Variants in RBFOX1 observed in about 807,000 individuals in gnomAD.
The protein encoded by RBFOX1 is RNA binding protein fox-1 homolog 1.
RBFOX1 carries 8 observed loss-of-function variants against 57.7 expected under a neutral mutation model. The observed-to-expected ratio is 0.14, with a 90% CI of 0.08 to 0.25. The LOEUF (loss-of-function observed/expected upper bound fraction) is 0.25. RBFOX1 is among the 10% of genes least tolerant of loss of function. RBFOX1 has a pLI of 1.00. For missense variants in RBFOX1, 611 were observed against 548.5 expected (o/e 1.11, Z -1.14); for synonymous variants, 326 against 222.4 (o/e 1.47, Z -4.15).
chr16:6,949,856 C>G (rs906837887), intron 3 of RBFOX1, among the ~76,000 whole-genome samples: 9 of 151,962 alleles, frequency 5.9e-5, no homozygotes, highest in Non-Finnish European at 1.2e-4. Context: ...GAATGCAATT[C>G]CAAGCCCCTC....
chr16:5,744,151 G>T (rs1325575168), intron 3 of RBFOX1, among the ~76,000 whole-genome samples: 1 of 152,008 alleles, frequency 6.6e-6, no homozygotes, highest in East Asian at 1.9e-4. Context: ...GTCTTTGCTT[G>T]TGCTATGTTC....
chr16:6,758,301 C>G (rs1192299987), intron 3 of RBFOX1, among the ~76,000 whole-genome samples: 3 of 151,932 alleles, frequency 2.0e-5, no homozygotes, highest in East Asian at 3.9e-4. Flanking sequence ...TAAAATGTCC[C>G]AATAAAAATT....
intron 3 of RBFOX1, among the ~76,000 whole-genome samples, chr16:6,896,144 G>C (rs532724051): frequency 2.6e-4 from 39 of 152,124 alleles, no homozygotes; most frequent in African/African-American, 9.4e-4. Flanking sequence ...TTGGTGGTGG[G>C]TGTCTGTAAT....
At chr16:7,291,659 A>G (rs1025640427) in intron 4 of RBFOX1, among the ~76,000 whole-genome samples, 5 of 151,980 alleles carry the variant, frequency 3.3e-5, no homozygotes, top group African/African-American at 1.2e-4. Context: ...GAATGTTAAA[A>G]TAGCAGCAAG....
chr16:7,142,623 CT>C (rs2074069857), intron 4 of RBFOX1, among the ~76,000 whole-genome samples: 1 of 152,162 alleles, frequency 6.6e-6, no homozygotes, highest in African/African-American at 2.4e-5. Flanking sequence ...ATCTTCTGGA[CT>C]GTCAATCAGA....
chr16:7,070,260 C>T (rs1329009678), intron 4 of RBFOX1, among the ~76,000 whole-genome samples: 1 of 152,168 alleles, frequency 6.6e-6, no homozygotes, highest in African/African-American at 2.4e-5. Context: ...CTGCCACATT[C>T]CACTCATTTA....
chr16:6,302,113 A>C (rs1162045841), intron 1 of RBFOX1, among the ~76,000 whole-genome samples: 1 of 152,116 alleles, frequency 6.6e-6, no homozygotes, highest in Admixed American at 6.6e-5. Context: ...CTTCATCCAC[A>C]ATGTTTATTT....
chr16:7,421,843 C>G lies in RBFOX1; in HGVS notation c.28-96304C>G, dbSNP rs370350035. Among the ~76,000 whole-genome samples, 7 of 152,326 alleles carry G rather than the reference C, an allele frequency of 4.6e-5. No individual in the cohort carries two copies. In the East Asian group the frequency reaches 1.2e-3, roughly 25 times the overall value. The stretch of plus-strand genomic sequence containing the variant: ...CTGAATTATATTTTGTAAGGGCATG[C>G]AAATAGAGAGTGTTCATTTCTTCAG... On this transcript the variant is annotated intron_variant, in intron 4 of 15. Coordinates refer to ENST00000550418, the MANE Select transcript of RBFOX1 (RefSeq NM_018723.4).
chr16:7,568,670 G>A (rs981013447), intron 5 of RBFOX1, among the ~76,000 whole-genome samples: 6 of 151,916 alleles, frequency 3.9e-5, no homozygotes, highest in Non-Finnish European at 7.4e-5. Flanking sequence ...TGGATCATGA[G>A]GTCAGGAGAT....
At chr16:5,400,709 G>A (rs982584116) in intron 1 of RBFOX1, among the ~76,000 whole-genome samples, 1 of 151,736 alleles carries the variant, frequency 6.6e-6, no homozygotes, top group Non-Finnish European at 1.5e-5. Context: ...AACTTTTGAA[G>A]GATTCCCAGT....
chr16:6,395,590 G>T (rs912251379), intron 2 of RBFOX1, among the ~76,000 whole-genome samples: 1 of 151,506 alleles, frequency 6.6e-6, no homozygotes. Flanking sequence ...ATTATATACA[G>T]AGTTATTACC....
intron 4 of RBFOX1, among the ~76,000 whole-genome samples, chr16:7,454,799 C>T (rs948996316): frequency 6.6e-6 from 1 of 152,172 alleles, no homozygotes; most frequent in Non-Finnish European, 1.5e-5. Flanking sequence ...TTTGAGATTC[C>T]TCTTGACCTT....
intron 2 of RBFOX1, among the ~76,000 whole-genome samples, chr16:6,339,623 A>G (rs997498475): frequency 6.6e-6 from 1 of 151,900 alleles, no homozygotes; most frequent in Non-Finnish European, 1.5e-5. Context: ...GTTGGATTTG[A>G]TAAACATCTT....
At chr16:5,454,963 CTTTCTTT>C (rs1567536007) in intron 1 of RBFOX1, among the ~76,000 whole-genome samples, 73 of 48,720 alleles carry the variant, frequency 1.5e-3, no homozygotes, top group Middle Eastern at 8.5e-3. Flanking sequence ...TCCTTCCTTT[CTTTCTTT>C]CTTTCTTTCT....
At chr16:7,285,327 T>C (rs1185357432) in intron 4 of RBFOX1, among the ~76,000 whole-genome samples, 2 of 152,044 alleles carry the variant, frequency 1.3e-5, no homozygotes, top group Admixed American at 1.3e-4. Context: ...ATATTGATGT[T>C]GGTACAACCC....
intron 3 of RBFOX1, among the ~76,000 whole-genome samples, chr16:6,676,160 AC>A (rs2057643627): frequency 6.6e-6 from 1 of 151,672 alleles, no homozygotes; most frequent in Non-Finnish European, 1.5e-5. Flanking sequence ...ACACACACAC[AC>A]ACACACACAC....
At chr16:5,520,963 G>C (rs1300787430) in intron 2 of RBFOX1, among the ~76,000 whole-genome samples, 1 of 152,202 alleles carries the variant, frequency 6.6e-6, no homozygotes, top group African/African-American at 2.4e-5. Flanking sequence ...ACTGCAGCCT[G>C]TGTGTGTCCT....
rs374545272 is a variant in RBFOX1 at position 5,827,402 on chromosome 16, G to GAAAAAAAAAAAAAAAAAAAAA, written c.319-39901_319-39900insAAAAAAAAAAAAAAAAAAAAA. Among the ~76,000 whole-genome samples, 2 of 100,476 alleles carry GAAAAAAAAAAAAAAAAAAAAA rather than the reference G, an allele frequency of 2.0e-5. 1 individual carries two copies. The highest frequency in any genetic ancestry group is 4.0e-5 in the Non-Finnish European group (2 of 49,520). The allele number at this position is 100,476 out of a possible 152,430, so 65.9% of individuals were successfully genotyped here. A position where few individuals can be genotyped will look rare whatever the true frequency, so the allele number is the denominator to read the frequency against. ...ATGACAGAGCAAGACTCCATCTCAG[G>GAAAAAAAAAAAAAAAAAAAAA]GAAAAAAAAAAAAAAAAAAGAAAAG... is the stretch of plus-strand genomic sequence containing the variant. On this transcript the variant is annotated intron_variant, in intron 3 of 19. Transcript: ENST00000641259.
chr16:7,674,525 G>T (rs2072661362), intron 13 of RBFOX1, among the ~76,000 whole-genome samples: 1 of 152,128 alleles, frequency 6.6e-6, no homozygotes, highest in Non-Finnish European at 1.5e-5. Flanking sequence ...TAAGGAAATT[G>T]TGATCTTAAC....
Sources: allele counts gnomAD v4.1 joint callset (sites outside exome capture counted in the v4.1 genomes callset), GRCh38; gene constraint gnomAD v4.1.1; transcripts MANE v1.5; gene names NCBI Gene and HGNC (gene_info 2026-07-23, HGNC 2026-07-21).